The following ULK4 variants were observed in gnomAD, a reference collection of about 807,000 sequenced individuals.
ULK4 encodes inactive serine/threonine-protein kinase ULK4.
Under a neutral mutation model 160.6 loss-of-function variants are expected in ULK4, and 133 were observed. The ratio of observed to expected loss-of-function variants is 0.83; its 90% CI spans 0.72 to 0.96. ULK4 has a LOEUF of 0.96. Among genes scored for constraint, ULK4 ranks in the 40% least tolerant of loss-of-function variants. ULK4 has a pLI of 0.00. For synonymous variants in ULK4, 534 were observed against 539.8 expected, an observed-to-expected ratio of 0.99 and a Z score of 0.15; for missense variants, 1,580 against 1,499.5, an observed-to-expected ratio of 1.05 and a Z score of -0.89.
chr3:41,672,793 C>A (rs1265057040), intron 29 of ULK4, among the ~76,000 whole-genome samples: 2 of 152,112 alleles, frequency 1.3e-5, no homozygotes, highest in African/African-American at 4.8e-5. Context: ...ATGCATGGAA[C>A]AAAATTTCAC....
chr3:41,768,074 T>C (rs2039227398), intron 21 of ULK4, among the ~76,000 whole-genome samples: 1 of 152,098 alleles, frequency 6.6e-6, no homozygotes, highest in Non-Finnish European at 1.5e-5. Context: ...GTGAACCCTA[T>C]TGTGAACTGC....
At chr3:41,470,328 A>C (rs539183311) in intron 32 of ULK4, among the ~76,000 whole-genome samples, 2 of 152,320 alleles carry the variant, frequency 1.3e-5, no homozygotes, top group South Asian at 4.1e-4. Flanking sequence ...TGATTTATTC[A>C]AAGGGCTGAA....
At chr3:41,764,623 G>T (rs1379547255) in intron 21 of ULK4, among the ~76,000 whole-genome samples, 1 of 152,144 alleles carries the variant, frequency 6.6e-6, no homozygotes, top group Non-Finnish European at 1.5e-5. Context: ...CAAAACTACA[G>T]ATTTTTATTG....
chr3:41,580,710 G>A (rs1177373179), intron 31 of ULK4, among the ~76,000 whole-genome samples: 1 of 152,122 alleles, frequency 6.6e-6, no homozygotes, highest in Non-Finnish European at 1.5e-5. Context: ...TGCCTCATCC[G>A]GGTGCACAGC....
chr3:41,300,964 G>A (rs1250382588), intron 35 of ULK4, among the ~76,000 whole-genome samples: 3 of 147,930 alleles, frequency 2.0e-5, no homozygotes, highest in Non-Finnish European at 4.5e-5. Flanking sequence ...TGAGCAGGAG[G>A]GTCATAAAAG....
intron 34 of ULK4, among the ~76,000 whole-genome samples, chr3:41,432,003 G>A (rs2082925140): frequency 6.6e-6 from 1 of 151,930 alleles, no homozygotes; most frequent in Admixed American, 6.6e-5. Context: ...GTGTTAGCCA[G>A]GCTGATCTCG....
chr3:41,336,314 T>C (rs552789301), intron 35 of ULK4, among the ~76,000 whole-genome samples: 2 of 152,328 alleles, frequency 1.3e-5, no homozygotes, highest in Admixed American at 6.5e-5. Context: ...TCCTCTACAA[T>C]CAGTTTAAAG....
At chr3:41,570,034 A>G (rs2087917294) in intron 31 of ULK4, among the ~76,000 whole-genome samples, 1 of 152,202 alleles carries the variant, frequency 6.6e-6, no homozygotes, top group African/African-American at 2.4e-5. Flanking sequence ...CCTGCGTATC[A>G]GAGTGAGAAC....
intron 30 of ULK4, among the ~76,000 whole-genome samples, chr3:41,652,771 G>A (rs1244042024): frequency 6.6e-6 from 1 of 152,122 alleles, no homozygotes; most frequent in Non-Finnish European, 1.5e-5. Context: ...TTATAAGTGT[G>A]ACACAATGAA....
At chr3:41,802,899 G>A (rs753121337) in intron 19 of ULK4, among the ~76,000 whole-genome samples, 3 of 152,146 alleles carry the variant, frequency 2.0e-5, no homozygotes, top group Non-Finnish European at 4.4e-5. Flanking sequence ...GGGCGCAGTG[G>A]CTCACGCCTG....
At position 41,638,322 on chromosome 3, in the gene ULK4, G is replaced by C. The variant is rs188567139; in HGVS notation, c.3072-22605C>G. On this transcript the variant is annotated intron_variant, in intron 30 of 36. Transcript: ENST00000301831. ...TTCCCTTTGGGCCTACTCTCTGTCG[G>C]AATTTCAAGATATCTAATAAAACCT... is the stretch of plus-strand genomic sequence containing the variant. Among the ~76,000 whole-genome samples, 298 of 152,036 alleles carry C rather than the reference G, an allele frequency of 2.0e-3. 2 individuals carry two copies. The Middle Eastern group carries it at 0.02, about 10-fold the overall frequency.
chr3:41,277,068 G>C (rs2079240731), intron 35 of ULK4, among the ~76,000 whole-genome samples: 1 of 152,022 alleles, frequency 6.6e-6, no homozygotes, highest in African/African-American at 2.4e-5. Flanking sequence ...TAGATACCCT[G>C]AAAAGACCAA....
chr3:41,931,204 C>T (rs2148821922), intron 5 of ULK4, among the ~76,000 whole-genome samples: 1 of 152,234 alleles, frequency 6.6e-6, no homozygotes, highest in South Asian at 2.1e-4. Context: ...AGCTGGACGC[C>T]ATCATTCTCA....
chr3:41,955,843 C>G (rs1284040261), intron 1 of ULK4: 1 of 149,006 alleles, frequency 6.7e-6, no homozygotes, highest in Non-Finnish European at 1.5e-5. Flanking sequence ...AAAACGGTAA[C>G]AAAATCAGGG....
intron 30 of ULK4, among the ~76,000 whole-genome samples, chr3:41,653,678 G>T (rs2034831020): frequency 6.6e-6 from 1 of 152,148 alleles, no homozygotes; most frequent in African/African-American, 2.4e-5. Context: ...TTTAGGCTTT[G>T]CCAGACACAG....
At chr3:41,905,285 C>T (rs1698513130) in intron 12 of ULK4, among the ~76,000 whole-genome samples, 1 of 45,940 alleles carries the variant, frequency 2.2e-5, no homozygotes. Flanking sequence ...CGATGCAAAA[C>T]AATGAAGCTA....
At chr3:41,654,046 A>G (rs781088301) in intron 30 of ULK4, among the ~76,000 whole-genome samples, 4 of 152,246 alleles carry the variant, frequency 2.6e-5, no homozygotes, top group Non-Finnish European at 4.4e-5. Flanking sequence ...ATGTGACCGT[A>G]AACTCACATC....
At chr3:41,479,274 TCA>T (rs1329502964) in intron 32 of ULK4, among the ~76,000 whole-genome samples, 1 of 152,222 alleles carries the variant, frequency 6.6e-6, no homozygotes, top group Non-Finnish European at 1.5e-5. Context: ...AAAATCAGCA[TCA>T]CTCTTTCACT....
intron 3 of ULK4, among the ~76,000 whole-genome samples, chr3:41,936,231 A>C (rs921081212): frequency 3.3e-5 from 5 of 152,218 alleles, no homozygotes; most frequent in Non-Finnish European, 7.3e-5. Flanking sequence ...TATAAATACT[A>C]ATGGTAAATA....
Sources: allele counts gnomAD v4.1 joint callset (sites outside exome capture counted in the v4.1 genomes callset), GRCh38; gene constraint gnomAD v4.1.1; transcripts MANE v1.5; gene names NCBI Gene and HGNC (gene_info 2026-07-23, HGNC 2026-07-21).